OXR1: variants seen among roughly 807,000 people sequenced by gnomAD.
OXR1 encodes the protein oxidation resistance protein 1.
In OXR1, 41 loss-of-function variants were observed where a neutral mutation model predicts 104.6. The ratio of observed to expected loss-of-function variants is 0.39; its 90% CI spans 0.31 to 0.51. The LOEUF is 0.51. Among genes scored for constraint, OXR1 ranks in the 20% least tolerant of loss-of-function variants. The pLI is 0.77. For synonymous variants in OXR1, 348 were observed against 348.4 expected, an observed-to-expected ratio of 1.00 and a Z score of 0.01; for missense variants, 955 against 1,031.9, an observed-to-expected ratio of 0.93 and a Z score of 1.02.
At chr8:106,497,172 G>A (rs1413932031) in intron 2 of OXR1, among the ~76,000 whole-genome samples, 1 of 152,192 alleles carries the variant, frequency 6.6e-6, no homozygotes, top group Non-Finnish European at 1.5e-5. Flanking sequence ...AAGTGCACTA[G>A]TTCAGCACTT....
At chr8:106,373,463 T>C (rs1319478201) in intron 2 of OXR1, among the ~76,000 whole-genome samples, 3 of 152,210 alleles carry the variant, frequency 2.0e-5, no homozygotes, top group African/African-American at 4.8e-5. Context: ...ATGGAGAGAA[T>C]GTTGGCATAA....
chr8:106,497,307 A>G (rs7838375), intron 2 of OXR1, among the ~76,000 whole-genome samples: 2,434 of 152,322 alleles, frequency 0.016, 61 homozygotes, highest in African/African-American at 0.055. Flanking sequence ...TTGTAAATTC[A>G]TATTGGGGAT....
At chr8:106,667,514 T>C (rs566107919) in intron 3 of OXR1, among the ~76,000 whole-genome samples, 2 of 152,242 alleles carry the variant, frequency 1.3e-5, no homozygotes, top group East Asian at 1.9e-4. Context: ...CAATGAAAAG[T>C]TCCTAAAAGG....
chr8:106,637,900 T>A (rs1388979508), intron 3 of OXR1, among the ~76,000 whole-genome samples: 1 of 151,918 alleles, frequency 6.6e-6, no homozygotes, highest in Non-Finnish European at 1.5e-5. Context: ...TAGCTGGGAC[T>A]ACAGGCACCC....
intron 7 of OXR1, among the ~76,000 whole-genome samples, chr8:106,702,079 C>T (rs1247666035): frequency 6.6e-6 from 1 of 152,142 alleles, no homozygotes; most frequent in Non-Finnish European, 1.5e-5. Context: ...AAGCGATTTG[C>T]ATGCCTAAGC....
intron 2 of OXR1, among the ~76,000 whole-genome samples, chr8:106,490,440 C>T (rs910890031): frequency 1.3e-5 from 2 of 152,146 alleles, no homozygotes; most frequent in African/African-American, 4.8e-5. Context: ...CTCACTGCAA[C>T]CTCCGTCTCC....
At chr8:106,615,699 G>A (rs1447236957) in intron 3 of OXR1, among the ~76,000 whole-genome samples, 2 of 151,832 alleles carry the variant, frequency 1.3e-5, no homozygotes, top group Admixed American at 1.3e-4. Flanking sequence ...TATGCTGAAT[G>A]ATTTGAACAG....
intron 2 of OXR1, among the ~76,000 whole-genome samples, chr8:106,389,853 G>T (rs1054987762): frequency 2.0e-5 from 3 of 152,136 alleles, no homozygotes; most frequent in Non-Finnish European, 2.9e-5. Flanking sequence ...ATCACTTGAG[G>T]TCAGGAGTTC....
rs1816127992 is a variant in OXR1 at position 106,359,095 on chromosome 8, CTT to C, written c.-138-379_-138-378del. Among the ~76,000 whole-genome samples, 7 of 110,078 alleles carry C rather than the reference CTT, an allele frequency of 6.4e-5. No individual in the cohort carries two copies. In the East Asian group the frequency reaches 1.2e-3, roughly 19 times the overall value. The allele number at this position is 110,078 out of a possible 152,430, so 72.2% of individuals were successfully genotyped here. ...TCTTTCTTTCTTTCTTTCTTTCTTT[CTT>C]TCTTTGCTATGGGCTAATCAGGATC... On this transcript the variant is annotated intron_variant, in intron 1 of 16. Transcript: ENST00000517566.
At chr8:106,336,132 A>T (rs1286252795) in intron 1 of OXR1, among the ~76,000 whole-genome samples, 1 of 152,192 alleles carries the variant, frequency 6.6e-6, no homozygotes, top group African/African-American at 2.4e-5. Flanking sequence ...GGCTAATTTT[A>T]ATGTTAATCT....
chr8:106,698,004 T>C, intron 7 of OXR1: 2 of 1,612,602 alleles, frequency 1.2e-6, no homozygotes, highest in Admixed American at 1.7e-5. Flanking sequence ...GCAGGTCCCC[T>C]GTTGGCCATT....
chr8:106,307,197 G>C (rs16874346), intron 1 of OXR1, among the ~76,000 whole-genome samples: 3,656 of 152,298 alleles, frequency 0.024, 54 homozygotes, highest in South Asian at 0.097. Flanking sequence ...CCTGGGAATG[G>C]TATGTGAAGG....
intron 3 of OXR1, among the ~76,000 whole-genome samples, chr8:106,620,454 A>G (rs558613442): frequency 6.6e-6 from 1 of 152,236 alleles, no homozygotes; most frequent in East Asian, 1.9e-4. Flanking sequence ...GGAACTTCAT[A>G]AAGTCTTCTT....
chr8:106,385,184 A>T (rs1817325838), intron 2 of OXR1, among the ~76,000 whole-genome samples: 1 of 152,208 alleles, frequency 6.6e-6, no homozygotes, highest in Non-Finnish European at 1.5e-5. Context: ...TCCTTCAAAG[A>T]AGAATGATTC....
chr8:106,508,081 G>A (rs1191168025), intron 2 of OXR1, among the ~76,000 whole-genome samples: 1 of 152,118 alleles, frequency 6.6e-6, no homozygotes, highest in Non-Finnish European at 1.5e-5. Flanking sequence ...GCCAGCTTGG[G>A]GTGGGGTCCT....
intron 3 of OXR1, among the ~76,000 whole-genome samples, chr8:106,670,235 A>G (rs1446143522): frequency 6.6e-6 from 1 of 152,192 alleles, no homozygotes; most frequent in Non-Finnish European, 1.5e-5. Context: ...TGAAGTAGCT[A>G]GGCCTCCCTA....
Position 106,324,511 on chromosome 8 carries a change from A to AT in OXR1, c.-138-34957dup, listed in dbSNP as rs1296893525. Among the ~76,000 whole-genome samples the AT allele has an allele frequency of 8.0e-5, 12 of 150,434 alleles. No homozygotes were observed. The East Asian group carries it at 2.0e-3, about 24-fold the overall frequency. On this transcript the variant is annotated intron_variant, in intron 1 of 16. Transcript: ENST00000517566. Reference sequence around the variant, plus strand: ...TTCACATGTACCCCAAACCTAAAATATTTTTTTTAAAGGAAAGGAGGTTCT... The same window carrying AT: ...TTCACATGTACCCCAAACCTAAAATATTTTTTTTTAAAGGAAAGGAGGTTCT...
intron 3 of OXR1, among the ~76,000 whole-genome samples, chr8:106,662,445 A>G (rs1825856570): frequency 6.6e-6 from 1 of 152,238 alleles, no homozygotes; most frequent in South Asian, 2.1e-4. Flanking sequence ...TAACTGAAGG[A>G]GAAGCGTTTA....
chr8:106,326,235 C>G (rs756672367), intron 1 of OXR1, among the ~76,000 whole-genome samples: 52 of 152,178 alleles, frequency 3.4e-4, no homozygotes, highest in Non-Finnish European at 5.0e-4. Flanking sequence ...GTAAAGCAGT[C>G]TTATTAAAAT....
Sources: gnomAD v4.1 joint callset for allele counts (sites outside exome capture counted in the v4.1 genomes callset) on GRCh38, gnomAD v4.1.1 for gene constraint, MANE v1.5 for transcripts, NCBI Gene and HGNC (gene_info 2026-07-23, HGNC 2026-07-21) for gene names.